The following FBXO11 variants were observed in gnomAD, a reference collection of about 807,000 sequenced individuals.
FBXO11 encodes F-box only protein 11.
Under a neutral mutation model 117.0 loss-of-function variants are expected in FBXO11, and 13 were observed. The observed-to-expected ratio is 0.11, with a 90% CI of 0.07 to 0.18. The LOEUF (loss-of-function observed/expected upper bound fraction) is 0.18, where lower values mean the gene tolerates loss of function less well. FBXO11 is among the 10% of genes least tolerant of loss of function. The probability of loss-of-function intolerance (pLI) is 1.00; values close to 1 mark genes in which losing one functional copy is unlikely to be tolerated. For synonymous variants in FBXO11, 490 were observed against 380.5 expected (o/e 1.29, Z -3.35); for missense variants, 767 against 1,164.4 (o/e 0.66, Z 4.97).
Position 47,823,332 on chromosome 2 carries a change from C to T in FBXO11, c.1427G>A (p.Arg476Lys). Reference sequence around the variant, plus strand: ...TACTTCAAAGCCTGCTATCCTATTTCTGTGTATATTGCAACTTTCAAAGTA... The same window carrying T: ...TACTTCAAAGCCTGCTATCCTATTTTTGTGTATATTGCAACTTTCAAAGTA... ...MGYFESCNIH[R>K]NRIAGFEVKA... Residue 476 changes from arginine to lysine, a missense_variant, in exon 12 of 23, where the codon AGA (arginine) becomes AAA (lysine). Coordinates refer to ENST00000403359, the MANE Select transcript of FBXO11 (RefSeq NM_001190274.2). 6.2e-7 allele frequency: 1 copy of T among 1,611,720 alleles called. No individual in the cohort carries two copies. The highest frequency in any genetic ancestry group is 8.5e-7 in the Non-Finnish European group (1 of 1,178,902).
chr2:47,902,058 C>A (rs1213542501), intron 1 of FBXO11, among the ~76,000 whole-genome samples: 1 of 152,238 alleles, frequency 6.6e-6, no homozygotes, highest in African/African-American at 2.4e-5. Context: ...GCCTCAGCCT[C>A]CAGAGTAGCT....
intron 1 of FBXO11, among the ~76,000 whole-genome samples, chr2:47,869,166 G>A (rs1291488971): frequency 6.6e-6 from 1 of 152,140 alleles, no homozygotes; most frequent in Non-Finnish European, 1.5e-5. Flanking sequence ...GTGGAAATAG[G>A]AGTGACACCA....
intron 1 of FBXO11, among the ~76,000 whole-genome samples, chr2:47,869,439 A>G (rs1203808993): frequency 6.6e-6 from 1 of 152,214 alleles, no homozygotes; most frequent in Non-Finnish European, 1.5e-5. Flanking sequence ...GAAGGAAAGG[A>G]AAAGTTATAT....
intron 1 of FBXO11, among the ~76,000 whole-genome samples, chr2:47,853,973 C>T (rs925021134): frequency 1.3e-5 from 2 of 152,218 alleles, no homozygotes; most frequent in African/African-American, 4.8e-5. Flanking sequence ...GTTAAATCCA[C>T]AAATGCCAAG....
chr2:47,884,669 T>C (rs1303560961), intron 1 of FBXO11, among the ~76,000 whole-genome samples: 1 of 152,232 alleles, frequency 6.6e-6, no homozygotes, highest in Non-Finnish European at 1.5e-5. Flanking sequence ...CACAGCACCA[T>C]CCTGATGGCT....
intron 1 of FBXO11, among the ~76,000 whole-genome samples, chr2:47,893,107 T>A (rs146007408): frequency 2.0e-4 from 31 of 151,870 alleles, no homozygotes; most frequent in East Asian, 1.2e-3. Flanking sequence ...TGAGTCAACA[T>A]TGCACCACTG....
chr2:47,856,752 T>G (rs1674326559), intron 1 of FBXO11, among the ~76,000 whole-genome samples: 1 of 152,190 alleles, frequency 6.6e-6, no homozygotes, highest in African/African-American at 2.4e-5. Flanking sequence ...TATAAATCAA[T>G]GAAGAAAACT....
intron 1 of FBXO11, among the ~76,000 whole-genome samples, chr2:47,878,800 G>C (rs1015573523): frequency 2.6e-5 from 4 of 151,854 alleles, no homozygotes; most frequent in South Asian, 2.1e-4. Flanking sequence ...CAACAACATG[G>C]TGAAACCCCA....
chr2:47,832,940 A>G (rs775366923), intron 8 of FBXO11, 24 bp downstream of exon 8: 1 of 1,602,710 alleles, frequency 6.2e-7, no homozygotes, highest in South Asian at 1.1e-5. Context: ...TTCAATGTGT[A>G]TTTTAAATCT....
At chr2:47,819,387 T>A (rs142393571) in intron 14 of FBXO11, among the ~76,000 whole-genome samples, 1 of 152,176 alleles carries the variant, frequency 6.6e-6, no homozygotes, top group Admixed American at 6.5e-5. Context: ...GGCTAATTTT[T>A]GTATTTTTAG....
chr2:47,864,941 A>G (rs1675081491), intron 1 of FBXO11, among the ~76,000 whole-genome samples: 2 of 152,344 alleles, frequency 1.3e-5, no homozygotes, highest in East Asian at 1.9e-4. Context: ...GTAACACTTG[A>G]CAAGACTTTC....
intron 1 of FBXO11, among the ~76,000 whole-genome samples, chr2:47,862,038 G>T (rs766351949): frequency 6.6e-6 from 1 of 151,834 alleles, no homozygotes; most frequent in African/African-American, 2.4e-5. Flanking sequence ...ACAGCCTCCC[G>T]AGTGGCTGGG....
At chr2:47,818,578 A>G in intron 16 of FBXO11, 1 of 512,446 alleles carries the variant, frequency 2.0e-6, no homozygotes, top group Non-Finnish European at 3.5e-6. Context: ...CTCTTATGGC[A>G]CATGTGCCAG....
chr2:47,899,315 A>G (rs1035097883), intron 1 of FBXO11, among the ~76,000 whole-genome samples: 2 of 152,080 alleles, frequency 1.3e-5, no homozygotes, highest in African/African-American at 4.8e-5. Context: ...AGCTTCAACA[A>G]ATCAGTTTCT....
At chr2:47,837,470 T>C (rs1235982192) in intron 4 of FBXO11, among the ~76,000 whole-genome samples, 2 of 152,146 alleles carry the variant, frequency 1.3e-5, no homozygotes, top group African/African-American at 2.4e-5. Context: ...GAGGTTGCAG[T>C]GAGTCAAGAT....
At position 47,865,291 on chromosome 2, in the gene FBXO11, T is replaced by G. The variant is rs139232353; in HGVS notation, c.233-25522A>C. On this transcript the variant is annotated intron_variant, in intron 1 of 22. Transcript: ENST00000403359. ...AGCTCACATTTCTCAGCTGCTCTTATTACTGAGTTGGCCATCTGACTAGGT... is the reference window on the plus strand; with the variant it reads ...AGCTCACATTTCTCAGCTGCTCTTAGTACTGAGTTGGCCATCTGACTAGGT... Among the ~76,000 whole-genome samples, 128 of 152,336 alleles carry G rather than the reference T, an allele frequency of 8.4e-4. 2 individuals are homozygous for G. In the East Asian group the frequency reaches 0.023, roughly 28 times the overall value.
At chr2:47,892,762 T>G (rs1677351892) in intron 1 of FBXO11, among the ~76,000 whole-genome samples, 1 of 152,184 alleles carries the variant, frequency 6.6e-6, no homozygotes, top group Admixed American at 6.5e-5. Context: ...AAACAATGAA[T>G]GTAACAGCCA....
Position 47,877,447 on chromosome 2 carries a change from G to A in FBXO11, c.232+28042C>T, listed in dbSNP as rs555411234. 3.3e-5 allele frequency among the ~76,000 whole-genome samples: 5 copies of A among 152,230 alleles called. No individual in the cohort carries two copies. The South Asian group carries it at 1.0e-3, about 32-fold the overall frequency. ...TTTTCCCACTAAGCAACAAAACTTA[G>A]GAGATATTTCTGTATCAGTACACAG... On this transcript the variant is annotated intron_variant, in intron 1 of 22. Transcript: ENST00000403359.
intron 1 of FBXO11, among the ~76,000 whole-genome samples, chr2:47,888,957 C>G (rs902157280): frequency 6.6e-6 from 1 of 152,122 alleles, no homozygotes; most frequent in Non-Finnish European, 1.5e-5. Context: ...CATCTATGAA[C>G]ATATTTAATA....
Sources: gnomAD v4.1 joint callset for allele counts (sites outside exome capture counted in the v4.1 genomes callset) on GRCh38, gnomAD v4.1.1 for gene constraint, MANE v1.5 for transcripts, NCBI Gene and HGNC (gene_info 2026-07-23, HGNC 2026-07-21) for gene names.